The following SLC25A42 variants were observed in gnomAD, a reference collection of about 807,000 sequenced individuals.
The protein encoded by SLC25A42 is mitochondrial coenzyme A transporter SLC25A42.
Under a neutral mutation model 34.7 loss-of-function variants are expected in SLC25A42, and 19 were observed. The observed-to-expected ratio is 0.55, with a 90% CI of 0.38 to 0.80. SLC25A42 has a LOEUF of 0.80. Among genes scored for constraint, SLC25A42 ranks in the 30% least tolerant of loss-of-function variants. The pLI is 0.00. For missense variants in SLC25A42, 364 were observed against 441.3 expected (o/e 0.82, Z 1.57); for synonymous variants, 205 against 191.2 (o/e 1.07, Z -0.59).
chr19:19,082,966 G>A (rs1038030673), intron 1 of SLC25A42, among the ~76,000 whole-genome samples: 5 of 151,946 alleles, frequency 3.3e-5, no homozygotes, highest in Admixed American at 1.3e-4. Flanking sequence ...CTACAGGTGC[G>A]TGCCACCACA....
intron 1 of SLC25A42, among the ~76,000 whole-genome samples, chr19:19,079,746 TG>T (rs2059671994): frequency 6.6e-6 from 1 of 152,144 alleles, no homozygotes; most frequent in Admixed American, 6.6e-5. Context: ...TTGTTGCTAT[TG>T]TTTCTATTGT....
chr19:19,105,775 C>T, intron 5 of SLC25A42, 48 bp downstream of exon 5: 1 of 1,454,652 alleles, frequency 6.9e-7, no homozygotes, highest in African/African-American at 1.4e-5. Flanking sequence ...CCCACGCCCG[C>T]CCCTCTCTCT....
rs112742931 is a variant in SLC25A42 at position 19,101,782 on chromosome 19, G to A, written c.83G>A (p.Arg28His). The A allele has an allele frequency of 4.2e-5, 67 of 1,610,766 alleles. No homozygotes were observed. Among genetic ancestry groups the A allele is most frequent in the East Asian group, 6.7e-5 (3 of 44,698 alleles). ...CTCTGATCACATGTTCTGTTGCAGCGTGACCACAGGCAAGTGCTCAGCTCC... is the reference window on the plus strand; with the variant it reads ...CTCTGATCACATGTTCTGTTGCAGCATGACCACAGGCAAGTGCTCAGCTCC... ...AVLSSSVSSK[R>H]DHRQVLSSLL... The change falls in exon 3 of 8, where the codon CGT becomes CAT. Residue 28 changes from arginine to histidine, a missense_variant and splice_region_variant. By Grantham distance (29) the Arg-to-His change is conservative. Transcript: ENST00000318596.
At chr19:19,072,319 A>G (rs1049681800) in intron 1 of SLC25A42, among the ~76,000 whole-genome samples, 1 of 152,214 alleles carries the variant, frequency 6.6e-6, no homozygotes, top group Admixed American at 6.5e-5. Context: ...GAGTGGCACT[A>G]TCCTGTGAAG....
At chr19:19,096,456 C>T (rs145027547) in intron 2 of SLC25A42, among the ~76,000 whole-genome samples, 1 of 152,236 alleles carries the variant, frequency 6.6e-6, no homozygotes, top group Non-Finnish European at 1.5e-5. Context: ...CCAAATACTC[C>T]ATCATGGGAT....
chr19:19,108,049 A>G lies in SLC25A42; in HGVS notation c.649+4A>G. On this transcript the variant is annotated splice_donor_region_variant and intron_variant, in intron 7 of 7. Transcript: ENST00000318596. Reference sequence around the variant, plus strand: ...ACGCTCAAGAGCTTGCACAGAGGTAAGGAGAGCTGGGAGCATGAGGAGGGG... The same window carrying G: ...ACGCTCAAGAGCTTGCACAGAGGTAGGGAGAGCTGGGAGCATGAGGAGGGG... 1 of 1,559,764 alleles carries G rather than the reference A, an allele frequency of 6.4e-7. No individual in the cohort carries two copies. Among genetic ancestry groups the G allele is most frequent in the Non-Finnish European group, 8.7e-7 (1 of 1,150,232 alleles).
Position 19,109,722 on chromosome 19 carries a change from T to C in SLC25A42, c.650-847T>C. ...TGCTGAGATTACAGGCGTGAGTCAC[T>C]GCACCCAGCCTTGGCTGTTTTAAAT... On this transcript the variant is annotated intron_variant, in intron 7 of 7. Transcript: ENST00000318596. This position sits in a 1 kb window ranked among gnomAD's most constrained non-coding sequence, Gnocchi z 4.1. 6.6e-6 allele frequency among the ~76,000 whole-genome samples: 1 copy of C among 152,148 alleles called. No individual in the cohort carries two copies. Among genetic ancestry groups the C allele is most frequent in the Non-Finnish European group, 1.5e-5 (1 of 68,022 alleles).
At position 19,108,194 on chromosome 19, in the gene SLC25A42, G is replaced by A. The variant is rs147213200; in HGVS notation, c.649+149G>A. ...GGCTGTAGACCCACATCCAAATCGGGAGAAAACACACTGTGTGCAGCCGCC... is the reference window on the plus strand; with the variant it reads ...GGCTGTAGACCCACATCCAAATCGGAAGAAAACACACTGTGTGCAGCCGCC... On this transcript the variant is annotated intron_variant, in intron 7 of 7. Transcript: ENST00000318596. 3,402 of 835,666 alleles carry A rather than the reference G, an allele frequency of 4.1e-3. 12 individuals are homozygous for A. The highest frequency in any genetic ancestry group is 5.3e-3 in the Non-Finnish European group (3,026 of 569,428). 51.8% of individuals were successfully genotyped at this position (835,666 alleles called of 1,614,324 possible). A position where few individuals can be genotyped will look rare whatever the true frequency, so the allele number is the denominator to read the frequency against.
chr19:19,107,815 AGG>A, intron 6 of SLC25A42, 77 bp from the exon 7 acceptor site: 1 of 1,515,908 alleles, frequency 6.6e-7, no homozygotes. Context: ...CGGCTTCGGG[AGG>A]AGCCGAGAGC....
chr19:19,095,226 A>T (rs1246332623), intron 1 of SLC25A42, among the ~76,000 whole-genome samples: 1 of 140,648 alleles, frequency 7.1e-6, no homozygotes, highest in Non-Finnish European at 1.6e-5. Flanking sequence ...AAAAAAAAAC[A>T]CCCTTAGCTG....
chr19:19,068,156 C>G (rs1051188864), intron 1 of SLC25A42, among the ~76,000 whole-genome samples: 1 of 151,086 alleles, frequency 6.6e-6, no homozygotes, highest in Non-Finnish European at 1.5e-5. Flanking sequence ...GAGTTCAAGA[C>G]CAGCATGACC....
intron 1 of SLC25A42, among the ~76,000 whole-genome samples, chr19:19,083,365 T>TG (rs1343823016): frequency 6.6e-6 from 1 of 152,232 alleles, no homozygotes; most frequent in Non-Finnish European, 1.5e-5. Context: ...CCTTTTGTCA[T>TG]GTAAGATCAC....
chr19:19,091,876 A>G (rs1910632569), intron 1 of SLC25A42, among the ~76,000 whole-genome samples: 1 of 152,216 alleles, frequency 6.6e-6, no homozygotes, highest in African/African-American at 2.4e-5. Context: ...GACCCTGACT[A>G]TAAAACAGCA....
rs746187550 is a variant in SLC25A42, at chr19:19,096,229, TG to T, written c.81+27del. ...AGGCAAGTACCCCGGCCTCCTGGGATGGGTGTTCTCCTGGGGCCCCAGCCTC... is the reference window on the plus strand; with the variant it reads ...AGGCAAGTACCCCGGCCTCCTGGGATGGTGTTCTCCTGGGGCCCCAGCCTC... On this transcript the variant is annotated intron_variant, in intron 2 of 7. Coordinates refer to ENST00000318596, the MANE Select transcript of SLC25A42 (RefSeq NM_178526.5). 262 of 1,599,682 alleles carry T rather than the reference TG, an allele frequency of 1.6e-4. 2 individuals carry two copies. The highest frequency in any genetic ancestry group is 2.5e-4 in the Admixed American group (15 of 59,712).
In SLC25A42 at chr19:19,110,706, C is replaced by G; in HGVS notation, c.787C>G (p.Pro263Ala). 6.3e-7 allele frequency: 1 copy of G among 1,596,098 alleles called. No homozygotes were observed. Among genetic ancestry groups the G allele is most frequent in the Non-Finnish European group, 8.5e-7 (1 of 1,172,296 alleles). The change falls in exon 8 of 8, where the codon CCG becomes GCG. Residue 263 changes from proline to alanine, a missense_variant. Transcript: ENST00000318596. ...GCAGACGGCCGGCGTCACGGGCTAC[C>G]CGCGCGCCTCCATCGCCCGCACGCT... Reference protein sequence around the residue: ...RMQTAGVTGYPRASIARTLRT... With the variant: ...RMQTAGVTGYARASIARTLRT...
chr19:19,102,699 G>T (rs565135586), intron 3 of SLC25A42, among the ~76,000 whole-genome samples: 1 of 151,926 alleles, frequency 6.6e-6, no homozygotes. Flanking sequence ...AGCCAAGGTC[G>T]CGCCATCGCA....
At chr19:19,108,936 T>C (rs2059848877) in intron 7 of SLC25A42, among the ~76,000 whole-genome samples, 1 of 151,696 alleles carries the variant, frequency 6.6e-6, no homozygotes, top group Non-Finnish European at 1.5e-5. Flanking sequence ...CTCCCAGACA[T>C]TTTTTGTCAA....
chr19:19,073,979 AT>A (rs2059643611), intron 1 of SLC25A42, among the ~76,000 whole-genome samples: 1 of 152,244 alleles, frequency 6.6e-6, no homozygotes, highest in Non-Finnish European at 1.5e-5. Flanking sequence ...AAGTGCTGGG[AT>A]TACAGGCATG....
intron 1 of SLC25A42, among the ~76,000 whole-genome samples, chr19:19,067,397 C>A (rs1320719669): frequency 6.6e-6 from 1 of 151,926 alleles, no homozygotes; most frequent in Admixed American, 6.6e-5. Flanking sequence ...GCTCGGGCAA[C>A]ATGGTGAAAC....
Sources: allele counts gnomAD v4.1 joint callset (sites outside exome capture counted in the v4.1 genomes callset), GRCh38; gene constraint gnomAD v4.1.1; non-coding constraint Gnocchi (gnomAD v3.1); transcripts MANE v1.5; gene names NCBI Gene and HGNC (gene_info 2026-07-23, HGNC 2026-07-21).